SLC13A1: variants seen among roughly 807,000 people sequenced by gnomAD.
SLC13A1 encodes Na(+)/sulfate cotransporter.
In SLC13A1, 65 loss-of-function variants were observed where a neutral mutation model predicts 70.0. The ratio of observed to expected loss-of-function variants is 0.93; its 90% CI spans 0.76 to 1.14. The LOEUF (loss-of-function observed/expected upper bound fraction) is 1.14. SLC13A1 is among the 50% of genes most tolerant of loss of function. The pLI, the probability that SLC13A1 is intolerant of heterozygous loss-of-function variation, is 0.00. For synonymous variants in SLC13A1, 275 were observed against 250.5 expected, an observed-to-expected ratio of 1.10 and a Z score of -0.92; for missense variants, 726 against 717.8, an observed-to-expected ratio of 1.01 and a Z score of -0.13.
intron 6 of SLC13A1, among the ~76,000 whole-genome samples, chr7:123,165,706 C>T (rs916668823): frequency 2.2e-4 from 34 of 152,248 alleles, no homozygotes; most frequent in South Asian, 8.3e-4. Context: ...CCTGGACAAA[C>T]CCATACAATA....
chr7:123,153,508 G>A (rs1472928360), intron 6 of SLC13A1, among the ~76,000 whole-genome samples: 1 of 152,078 alleles, frequency 6.6e-6, no homozygotes, highest in East Asian at 1.9e-4. Context: ...TGTTCGCTGG[G>A]CTGAACACAG....
At chr7:123,170,315 CA>C (rs1482967594) in intron 3 of SLC13A1, among the ~76,000 whole-genome samples, 1 of 152,110 alleles carries the variant, frequency 6.6e-6, no homozygotes, top group Admixed American at 6.5e-5. Context: ...TCTGCTTACG[CA>C]ATAAATGGTT....
chr7:123,147,321 A>G lies in SLC13A1; in HGVS notation c.661-11T>C, dbSNP rs549428520. ...TCTCATGCCTGAGTTCTGTTCAACAACAACAAAAAACTACCATGAGAACTG... is the reference window on the plus strand; with the variant it reads ...TCTCATGCCTGAGTTCTGTTCAACAGCAACAAAAAACTACCATGAGAACTG... On this transcript the variant is annotated splice_polypyrimidine_tract_variant and intron_variant, in intron 6 of 14. Coordinates refer to ENST00000194130, the MANE Select transcript of SLC13A1 (RefSeq NM_022444.4). The G allele has an allele frequency of 8.7e-6, 14 of 1,612,350 alleles. No individual in the cohort carries two copies. The African/African-American group carries it at 9.3e-5, about 11-fold the overall frequency.
At chr7:123,160,079 C>T (rs898088484) in intron 6 of SLC13A1, among the ~76,000 whole-genome samples, 2 of 151,662 alleles carry the variant, frequency 1.3e-5, no homozygotes, top group African/African-American at 4.8e-5. Flanking sequence ...GTCAGGAGTT[C>T]GAGACTAGCC....
At chr7:123,128,416 C>T (rs1223709602) in intron 10 of SLC13A1, among the ~76,000 whole-genome samples, 2 of 152,112 alleles carry the variant, frequency 1.3e-5, no homozygotes, top group Non-Finnish European at 1.5e-5. Flanking sequence ...TTACCTCCAT[C>T]TTACAGATGA....
chr7:123,162,489 C>A (rs150697746), intron 6 of SLC13A1, among the ~76,000 whole-genome samples: 90 of 152,148 alleles, frequency 5.9e-4, no homozygotes, highest in African/African-American at 9.1e-4. Flanking sequence ...TAAACCACTG[C>A]ATGAATAAAA....
intron 6 of SLC13A1, among the ~76,000 whole-genome samples, chr7:123,157,860 G>GA (rs1011869860): frequency 9.0e-4 from 137 of 152,108 alleles, no homozygotes; most frequent in African/African-American, 3.2e-3. Flanking sequence ...TGTGTGTGGG[G>GA]AATCATACAA....
intron 7 of SLC13A1, among the ~76,000 whole-genome samples, chr7:123,134,820 T>C (rs1793897484): frequency 6.6e-6 from 1 of 152,208 alleles, no homozygotes; most frequent in Non-Finnish European, 1.5e-5. Context: ...GTGCAGTTCT[T>C]GGCTTTAATG....
intron 1 of SLC13A1, among the ~76,000 whole-genome samples, chr7:123,186,288 T>G (rs1162868881): frequency 2.0e-5 from 3 of 152,004 alleles, no homozygotes; most frequent in Non-Finnish European, 4.4e-5. Context: ...CGAGGGTGAG[T>G]AACTTTTGGT....
At chr7:123,163,331 CTA>C (rs1794972200) in intron 6 of SLC13A1, among the ~76,000 whole-genome samples, 1 of 151,988 alleles carries the variant, frequency 6.6e-6, no homozygotes, top group South Asian at 2.1e-4. Flanking sequence ...GGCTTGGTAA[CTA>C]TTCACCACTT....
At chr7:123,165,312 A>G (rs544508632) in intron 6 of SLC13A1, among the ~76,000 whole-genome samples, 1 of 152,270 alleles carries the variant, frequency 6.6e-6, no homozygotes, top group East Asian at 1.9e-4. Context: ...TGCATTCTGG[A>G]AAGACCATAG....
chr7:123,145,374 A>G (rs2470975), intron 7 of SLC13A1, among the ~76,000 whole-genome samples: 90,985 of 151,996 alleles, frequency 0.6, 27,354 homozygotes, highest in East Asian at 0.67. Context: ...ACCATATTGC[A>G]ATCTTACAGA....
chr7:123,135,842 T>C (rs1159659746), intron 7 of SLC13A1, among the ~76,000 whole-genome samples: 3 of 152,174 alleles, frequency 2.0e-5, no homozygotes, highest in African/African-American at 4.8e-5. Context: ...ATCCAAAGAT[T>C]AGCTTACATA....
chr7:123,148,011 T>C (rs1230788352), intron 6 of SLC13A1, among the ~76,000 whole-genome samples: 4 of 152,120 alleles, frequency 2.6e-5, no homozygotes, highest in Non-Finnish European at 4.4e-5. Context: ...CCAGGGGATA[T>C]TACTCCTGAA....
At chr7:123,137,097 G>T (rs1480860270) in intron 7 of SLC13A1, among the ~76,000 whole-genome samples, 2 of 152,156 alleles carry the variant, frequency 1.3e-5, no homozygotes, top group African/African-American at 4.8e-5. Context: ...TAATTGGAAC[G>T]TAGTAAGTTA....
At position 123,134,507 on chromosome 7, in the gene SLC13A1, G is replaced by A. The variant is rs1470813575; in HGVS notation, c.835C>T (p.Leu279Phe). The change falls in exon 8 of 15, where the codon CTC becomes TTC. Residue 279 changes from leucine (L) to phenylalanine (F), a missense_variant. Transcript: ENST00000194130. ...AACGTAAACCATGATCCAAAGTTGAGGCAACGACAGTCAGGATAGCGTCTG... is the reference window on the plus strand; with the variant it reads ...AACGTAAACCATGATCCAAAGTTGAAGCAACGACAGTCAGGATAGCGTCTG... ...FNTRYPDCRC[L>F]NFGSWFTFSF... 6.2e-7 allele frequency: 1 copy of A among 1,613,374 alleles called. No homozygotes were observed. The highest frequency in any genetic ancestry group is 1.7e-5 in the Admixed American group (1 of 59,986).
intron 13 of SLC13A1, among the ~76,000 whole-genome samples, 200 bp from the exon 14 acceptor site, chr7:123,117,808 G>A (rs559458603): frequency 6.6e-5 from 10 of 151,778 alleles, no homozygotes; most frequent in African/African-American, 2.2e-4. Flanking sequence ...AGTTACAGAT[G>A]CCCACTTAAA....
At chr7:123,116,558 G>C (rs1793187301) in intron 14 of SLC13A1, among the ~76,000 whole-genome samples, 1 of 152,152 alleles carries the variant, frequency 6.6e-6, no homozygotes, top group Non-Finnish European at 1.5e-5. Flanking sequence ...CCTCTTTCCT[G>C]TCCATGCAAG....
At chr7:123,161,877 T>C (rs1794918403) in intron 6 of SLC13A1, among the ~76,000 whole-genome samples, 1 of 151,872 alleles carries the variant, frequency 6.6e-6, no homozygotes, top group African/African-American at 2.4e-5. Context: ...TTAGAAATCA[T>C]TATGTTCTAG....
Sources: gnomAD v4.1 joint callset for allele counts (sites outside exome capture counted in the v4.1 genomes callset) on GRCh38, gnomAD v4.1.1 for gene constraint, MANE v1.5 for transcripts, NCBI Gene and HGNC (gene_info 2026-07-23, HGNC 2026-07-21) for gene names.